STK39: variants seen among roughly 807,000 people sequenced by gnomAD.
The protein encoded by STK39 is STE20/SPS1-related proline-alanine-rich protein kinase.
In STK39, 20 loss-of-function variants were observed where a neutral mutation model predicts 77.8. That is an observed-to-expected ratio of 0.26 (90% CI 0.18 to 0.37). The LOEUF (loss-of-function observed/expected upper bound fraction) is 0.37, where lower values mean the gene tolerates loss of function less well. Among genes scored for constraint, STK39 ranks in the 10% least tolerant of loss-of-function variants. STK39 has a pLI of 1.00. For missense variants in STK39, 479 were observed against 656.5 expected, an observed-to-expected ratio of 0.73 and a Z score of 2.95; for synonymous variants, 246 against 234.1, an observed-to-expected ratio of 1.05 and a Z score of -0.47.
intron 14 of STK39, among the ~76,000 whole-genome samples, chr2:168,053,633 GA>G (rs1685452138): frequency 1.3e-5 from 2 of 152,140 alleles, no homozygotes; most frequent in East Asian, 3.9e-4. Flanking sequence ...AGTTGTCAAG[GA>G]AAAAACAGTA....
In STK39 at chr2:168,063,547, G is replaced by A; in HGVS notation, c.1329C>T (p.Asp443=). 6.2e-7 allele frequency: 1 copy of A among 1,613,188 alleles called. No individual in the cohort carries two copies. The highest frequency in any genetic ancestry group is 8.5e-7 in the Non-Finnish European group (1 of 1,179,476). The change falls in exon 14 of 18, where the codon GAC becomes GAT. Residue 443 remains aspartate (D), a synonymous_variant. Transcript: ENST00000355999. ...CGGCACAAGAAGAAGCTTCTCTGTA[G>A]TCTTCATTAGCATTGGGTGGGCCCT... is the stretch of plus-strand genomic sequence containing the variant. ...DSQGPPNANE[D]YREASSCAVN...
chr2:168,063,722 C>T (rs1254876712), intron 13 of STK39, 152 bp from the exon 14 acceptor site: 5 of 625,908 alleles, frequency 8.0e-6, no homozygotes, highest in Non-Finnish European at 1.4e-5. Context: ...ATCGTAACAC[C>T]TCCATGTAAA....
chr2:168,052,221 A>T (rs1685417184), intron 14 of STK39, among the ~76,000 whole-genome samples: 1 of 152,116 alleles, frequency 6.6e-6, no homozygotes, highest in Non-Finnish European at 1.5e-5. Context: ...TTATTCTCTG[A>T]CAGAGAACCT....
intron 14 of STK39, among the ~76,000 whole-genome samples, chr2:168,020,354 C>T (rs1684539157): frequency 6.6e-6 from 1 of 152,072 alleles, no homozygotes; most frequent in African/African-American, 2.4e-5. Context: ...AGGCTTAGGA[C>T]AGCTCGAATC....
At chr2:167,973,346 T>C (rs971399377) in intron 16 of STK39, among the ~76,000 whole-genome samples, 10 of 152,244 alleles carry the variant, frequency 6.6e-5, no homozygotes, top group Non-Finnish European at 1.5e-4. Context: ...TTACCTATTT[T>C]GGAGCATTAG....
At chr2:168,011,371 T>G (rs1487370602) in intron 16 of STK39, among the ~76,000 whole-genome samples, 1 of 90,032 alleles carries the variant, frequency 1.1e-5, no homozygotes, top group East Asian at 3.2e-4. Flanking sequence ...AAATCAGTTT[T>G]GATTTGAATA....
At chr2:168,236,024 C>T (rs1047705045) in intron 1 of STK39, among the ~76,000 whole-genome samples, 4 of 152,072 alleles carry the variant, frequency 2.6e-5, no homozygotes, top group African/African-American at 4.8e-5. Flanking sequence ...CCTGAGGAAT[C>T]GCCACACTGA....
chr2:167,983,035 G>T (rs74675029), intron 16 of STK39, among the ~76,000 whole-genome samples: 5,571 of 152,268 alleles, frequency 0.037, 356 homozygotes, highest in African/African-American at 0.13. Flanking sequence ...CTTAGGAGGT[G>T]CACATAGATA....
intron 10 of STK39, among the ~76,000 whole-genome samples, chr2:168,085,634 C>T (rs900587608): frequency 6.6e-5 from 10 of 152,138 alleles, no homozygotes; most frequent in African/African-American, 2.4e-4. Context: ...AGCTCAAGAG[C>T]ATATTTTAGA....
rs1212052570 is a variant in STK39, at chr2:168,242,586, T to A, written c.208+4642A>T. ...ATATATATATATATATATATATATA[T>A]ATATATATATAAAGAGGCCAGGCAC... On this transcript the variant is annotated intron_variant, in intron 1 of 17. Coordinates refer to ENST00000355999, the MANE Select transcript of STK39 (RefSeq NM_013233.3). Among the ~76,000 whole-genome samples the A allele has an allele frequency of 1.7e-3, 155 of 91,482 alleles. 6 individuals are homozygous for A. The East Asian group carries it at 0.046, about 27-fold the overall frequency. The allele number at this position is 91,482 out of a possible 152,430, so 60.0% of individuals were successfully genotyped here.
chr2:168,077,743 C>T (rs1686117631), intron 10 of STK39, among the ~76,000 whole-genome samples: 1 of 151,968 alleles, frequency 6.6e-6, no homozygotes, highest in Non-Finnish European at 1.5e-5. Flanking sequence ...TTGACGTCTA[C>T]CAAAGGGACG....
chr2:168,187,249 G>A lies in STK39; in HGVS notation c.209-5159C>T, dbSNP rs1007974648. 2.0e-5 allele frequency among the ~76,000 whole-genome samples: 3 copies of A among 152,028 alleles called. No individual in the cohort carries two copies. In the East Asian group the frequency reaches 5.8e-4, roughly 29 times the overall value. On this transcript the variant is annotated intron_variant, in intron 1 of 17. Transcript: ENST00000355999. ...ACCTGTAATCCCAGCTACTCAGGAG[G>A]GTGAGGTGGGAGAATCACTTGAACC... is the stretch of plus-strand genomic sequence containing the variant.
At chr2:168,075,335 C>G in intron 10 of STK39, 104 bp from the exon 11 acceptor site, 1 of 1,481,766 alleles carries the variant, frequency 6.7e-7, no homozygotes, top group South Asian at 1.2e-5. Context: ...CTGAAAATAA[C>G]CTGAGTGGCT....
intron 1 of STK39, among the ~76,000 whole-genome samples, chr2:168,211,706 G>A (rs542902566): frequency 2.6e-5 from 4 of 152,270 alleles, no homozygotes; most frequent in African/African-American, 7.2e-5. Context: ...CGTCTCTGAG[G>A]AGCTCATGAG....
chr2:168,010,711 G>GT (rs141331472), intron 16 of STK39, among the ~76,000 whole-genome samples: 2,115 of 152,098 alleles, frequency 0.014, 51 homozygotes, highest in African/African-American at 0.047. Flanking sequence ...GAAAAAATCT[G>GT]TTTTTTTCTA....
chr2:168,197,196 G>A (rs951861392), intron 1 of STK39, among the ~76,000 whole-genome samples: 8 of 152,180 alleles, frequency 5.3e-5, no homozygotes, highest in Non-Finnish European at 7.3e-5. Context: ...AAGTAAAGTG[G>A]CTGGATTTGA....
intron 1 of STK39, chr2:168,231,962 G>T (rs145160653): frequency 8.4e-6 from 2 of 238,066 alleles, no homozygotes; most frequent in South Asian, 7.8e-5. Context: ...TCACAGAAGA[G>T]ATCTGTCTTA....
At chr2:167,980,411 C>T (rs920259811) in intron 16 of STK39, among the ~76,000 whole-genome samples, 3 of 152,192 alleles carry the variant, frequency 2.0e-5, no homozygotes, top group African/African-American at 4.8e-5. Flanking sequence ...TGATAGTCAC[C>T]TATTAACAGG....
chr2:168,234,841 TC>T (rs1690555989), intron 1 of STK39, among the ~76,000 whole-genome samples: 1 of 151,168 alleles, frequency 6.6e-6, no homozygotes, highest in Non-Finnish European at 1.5e-5. Context: ...ATTTATTTAT[TC>T]AGACATATTT....
Sources: allele counts gnomAD v4.1 joint callset (sites outside exome capture counted in the v4.1 genomes callset), GRCh38; gene constraint gnomAD v4.1.1; transcripts MANE v1.5; gene names NCBI Gene and HGNC (gene_info 2026-07-23, HGNC 2026-07-21).